The following DNAH8 variants were observed in gnomAD, a reference collection of about 807,000 sequenced individuals.
DNAH8 encodes axonemal beta dynein heavy chain 8.
A neutral mutation model predicts 562.1 loss-of-function variants in DNAH8; 382 were observed. That is an observed-to-expected ratio of 0.68 (90% CI 0.63 to 0.74). The LOEUF (loss-of-function observed/expected upper bound fraction) is 0.74, where lower values mean the gene tolerates loss of function less well. Ranked by LOEUF, DNAH8 falls within the 30% of genes least tolerant of loss-of-function variation. The probability of loss-of-function intolerance (pLI) is 0.00; values close to 1 mark genes in which losing one functional copy is unlikely to be tolerated. For missense variants in DNAH8, 5,203 were observed against 5,620.4 expected, an observed-to-expected ratio of 0.93 and a Z score of 2.37; for synonymous variants, 1,881 against 1,919.4, an observed-to-expected ratio of 0.98 and a Z score of 0.52.
chr6:38,722,933 C>T lies in DNAH8; in HGVS notation c.124C>T (p.Pro42Ser), dbSNP rs1365191172. 3.1e-6 allele frequency: 5 copies of T among 1,612,398 alleles called. No homozygotes were observed. The African/African-American group carries it at 6.7e-5, about 22-fold the overall frequency. The change falls in exon 2 of 93, where the codon CCG (proline) becomes TCG (serine). Residue 42 changes from proline to serine, a missense_variant. This residue lies in a region of DNAH8 where 556 missense variants were observed against 496.9 expected (regional missense o/e 1.12). Coordinates refer to ENST00000327475, the MANE Select transcript of DNAH8 (RefSeq NM_001206927.2). ...EAPRPPTVEA[P>S]AEDGFSPSAE... is the part of the protein sequence containing the mutation. ...CCCGCGCCCTCCGACAGTGGAGGCC[C>T]CGGCAGAAGATGGTTTCTCTCCTTC...
chr6:38,907,306 C>G (rs1780553009), intron 63 of DNAH8, among the ~76,000 whole-genome samples: 1 of 152,208 alleles, frequency 6.6e-6, no homozygotes, highest in African/African-American at 2.4e-5. Context: ...GGGAAGCCCA[C>G]TTGAGATTCA....
chr6:38,924,515 A>C (rs1781960890), intron 73 of DNAH8, among the ~76,000 whole-genome samples: 1 of 152,060 alleles, frequency 6.6e-6, no homozygotes, highest in South Asian at 2.1e-4. Context: ...CCCCCCAAAA[A>C]AAAGAAACCC....
chr6:38,916,161 T>A (rs1781298978), intron 68 of DNAH8, among the ~76,000 whole-genome samples: 1 of 152,124 alleles, frequency 6.6e-6, no homozygotes, highest in Non-Finnish European at 1.5e-5. Flanking sequence ...GGCTCCTGTC[T>A]GTCTCTTCAA....
chr6:38,781,390 AT>A lies in DNAH8; in HGVS notation c.2259+21del. 1 of 1,612,348 alleles carries A rather than the reference AT, an allele frequency of 6.2e-7. No homozygotes were observed. The highest frequency in any genetic ancestry group is 8.5e-7 in the Non-Finnish European group (1 of 1,179,284). ...TATTTCTTTGTAAGCCAAGAATTAA[AT>A]TTTAATATGTGGATTTTGGTGGTTT... is the stretch of plus-strand genomic sequence containing the variant. On this transcript the variant is annotated intron_variant, in intron 16 of 92. Coordinates refer to ENST00000327475, the MANE Select transcript of DNAH8 (RefSeq NM_001206927.2).
chr6:38,976,730 T>A (rs1462453306), intron 85 of DNAH8, among the ~76,000 whole-genome samples: 1 of 152,244 alleles, frequency 6.6e-6, no homozygotes, highest in African/African-American at 2.4e-5. Context: ...TTACGTTTCT[T>A]TTCTCTCTCT....
At chr6:38,944,968 T>TTAACCCTAACCCTAACCC (rs113455471) in intron 79 of DNAH8, among the ~76,000 whole-genome samples, 1 of 150,446 alleles carries the variant, frequency 6.6e-6, no homozygotes, top group Admixed American at 6.6e-5. Context: ...AACCCCAACC[T>TTAACCCTAACCCTAACCC]TAACCCTAAC....
chr6:38,813,977 C>A, intron 24 of DNAH8, 77 bp from the exon 25 acceptor site: 1 of 1,040,586 alleles, frequency 9.6e-7, no homozygotes, highest in South Asian at 1.4e-5. Flanking sequence ...ATTGTTCGGA[C>A]TGAATTTTGT....
chr6:38,999,062 T>C (rs556059162), intron 88 of DNAH8, among the ~76,000 whole-genome samples: 23 of 152,342 alleles, frequency 1.5e-4, no homozygotes, highest in Non-Finnish European at 3.1e-4. Flanking sequence ...AAAATGTGTG[T>C]TGGGGAGAGC....
At chr6:38,901,880 A>G (rs1203490914) in intron 62 of DNAH8, among the ~76,000 whole-genome samples, 1 of 152,222 alleles carries the variant, frequency 6.6e-6, no homozygotes, top group African/African-American at 2.4e-5. Flanking sequence ...GGGAGGTTTC[A>G]TGTTTTAGAA....
intron 9 of DNAH8, among the ~76,000 whole-genome samples, chr6:38,752,110 A>G (rs547752166): frequency 6.6e-6 from 1 of 152,180 alleles, no homozygotes; most frequent in South Asian, 2.1e-4. Flanking sequence ...CCACTTTACT[A>G]TGTTGCTTCT....
At chr6:38,917,825 A>G (rs1479805676) in intron 69 of DNAH8, 100 bp from the exon 70 acceptor site, 2 of 874,736 alleles carry the variant, frequency 2.3e-6, no homozygotes, top group African/African-American at 1.7e-5. Flanking sequence ...AGAGCAAATC[A>G]TCTATTACTT....
At chr6:38,755,264 A>G (rs1765809701) in intron 9 of DNAH8, among the ~76,000 whole-genome samples, 1 of 152,202 alleles carries the variant, frequency 6.6e-6, no homozygotes, top group African/African-American at 2.4e-5. Context: ...GGTTGTTGTC[A>G]GCATATCTTA....
At chr6:38,947,714 T>C (rs1761547520) in intron 80 of DNAH8, among the ~76,000 whole-genome samples, 1 of 151,578 alleles carries the variant, frequency 6.6e-6, no homozygotes, top group Non-Finnish European at 1.5e-5. Context: ...CTTCAGGAGA[T>C]AGATGGCAGT....
At chr6:38,739,162 T>C (rs772636693) in intron 7 of DNAH8, among the ~76,000 whole-genome samples, 16 of 152,184 alleles carry the variant, frequency 1.1e-4, no homozygotes, top group Admixed American at 2.0e-4. Flanking sequence ...TCATACTACA[T>C]TTTTGGAGGT....
At chr6:38,951,256 C>A in intron 81 of DNAH8, 62 bp from the exon 82 acceptor site, 1 of 1,411,938 alleles carries the variant, frequency 7.1e-7, no homozygotes, top group Non-Finnish European at 1.0e-6. Flanking sequence ...TTTTTACTTA[C>A]TCAGATAGGA....
At chr6:38,754,155 G>A (rs1765710482) in intron 9 of DNAH8, among the ~76,000 whole-genome samples, 1 of 152,096 alleles carries the variant, frequency 6.6e-6, no homozygotes, top group African/African-American at 2.4e-5. Flanking sequence ...TTTGACATAT[G>A]AGATATCTGA....
In DNAH8 at chr6:38,815,691, A is replaced by G. The variant is rs757425546; in HGVS notation, c.3523+34A>G. 5.9e-5 allele frequency: 91 copies of G among 1,555,416 alleles called. No homozygotes were observed. The East Asian group carries it at 2.0e-3, about 35-fold the overall frequency. On this transcript the variant is annotated intron_variant, in intron 26 of 92. Transcript: ENST00000327475. Reference sequence around the variant, plus strand: ...GTAAAATTAGTCAATGATCTTACTGATCCTTTTTGGATTTGATAGCATATA... The same window carrying G: ...GTAAAATTAGTCAATGATCTTACTGGTCCTTTTTGGATTTGATAGCATATA...
intron 91 of DNAH8, among the ~76,000 whole-genome samples, chr6:39,021,347 C>T (rs1260917857): frequency 6.6e-6 from 1 of 152,188 alleles, no homozygotes; most frequent in East Asian, 1.9e-4. Context: ...TCCCCCTCCT[C>T]AGGTGATTCC....
At chr6:38,851,926 C>G (rs79606098) in intron 39 of DNAH8, among the ~76,000 whole-genome samples, 2,317 of 152,216 alleles carry the variant, frequency 0.015, 91 homozygotes, top group East Asian at 0.15. Context: ...ATTTCCCCAT[C>G]CCTCAATTCC....
Sources: allele counts gnomAD v4.1 joint callset (sites outside exome capture counted in the v4.1 genomes callset), GRCh38; gene constraint gnomAD v4.1.1; regional missense constraint gnomAD v4.1.1; transcripts MANE v1.5; gene names NCBI Gene and HGNC (gene_info 2026-07-23, HGNC 2026-07-21).